The following RBFOX1 variants were observed in gnomAD, a reference collection of about 807,000 sequenced individuals.
RBFOX1 encodes the protein RNA binding protein fox-1 homolog 1.
In RBFOX1, 8 loss-of-function variants were observed where a neutral mutation model predicts 57.7. The ratio of observed to expected loss-of-function variants is 0.14; its 90% CI spans 0.08 to 0.25. The LOEUF (loss-of-function observed/expected upper bound fraction) is 0.25, where lower values mean the gene tolerates loss of function less well. RBFOX1 is among the 10% of genes least tolerant of loss of function. The probability of loss-of-function intolerance (pLI) is 1.00; values close to 1 mark genes in which losing one functional copy is unlikely to be tolerated. For synonymous variants in RBFOX1, 326 were observed against 222.4 expected, an observed-to-expected ratio of 1.47 and a Z score of -4.15; for missense variants, 611 against 548.5, an observed-to-expected ratio of 1.11 and a Z score of -1.14.
chr16:7,625,910 A>G (rs558305041), intron 10 of RBFOX1, among the ~76,000 whole-genome samples: 43 of 152,280 alleles, frequency 2.8e-4, no homozygotes, highest in African/African-American at 9.6e-4. Flanking sequence ...ACTCATGAGG[A>G]TAGGAAGATA....
At chr16:6,606,722 G>C (rs1232388587) in intron 2 of RBFOX1, among the ~76,000 whole-genome samples, 2 of 152,150 alleles carry the variant, frequency 1.3e-5, no homozygotes, top group Non-Finnish European at 2.9e-5. Context: ...ATTCCATGTT[G>C]CATATGTACC....
intron 4 of RBFOX1, among the ~76,000 whole-genome samples, chr16:7,327,357 T>A (rs2143819647): frequency 6.6e-6 from 1 of 152,272 alleles, no homozygotes; most frequent in East Asian, 1.9e-4. Flanking sequence ...GGAGGATGAA[T>A]TTGGACAGGG....
intron 3 of RBFOX1, among the ~76,000 whole-genome samples, chr16:6,979,386 C>G (rs201551917): frequency 1.8e-5 from 1 of 54,444 alleles, no homozygotes; most frequent in Admixed American, 1.3e-4. Flanking sequence ...TGAGCACTTT[C>G]CATTGTGCGA....
chr16:7,281,338 G>T (rs971457644), intron 4 of RBFOX1, among the ~76,000 whole-genome samples: 2 of 151,590 alleles, frequency 1.3e-5, no homozygotes, highest in Admixed American at 1.3e-4. Flanking sequence ...TCTGCTTGGG[G>T]GGTAGTTTAG....
chr16:5,705,868 T>C (rs2051227722), intron 3 of RBFOX1, among the ~76,000 whole-genome samples: 1 of 152,218 alleles, frequency 6.6e-6, no homozygotes, highest in African/African-American at 2.4e-5. Flanking sequence ...AATAGGTGCC[T>C]GATAGATGTT....
chr16:6,790,554 C>G (rs977754765), intron 3 of RBFOX1, among the ~76,000 whole-genome samples: 6 of 152,138 alleles, frequency 3.9e-5, no homozygotes, highest in Admixed American at 3.3e-4. Flanking sequence ...CCTATTTAGC[C>G]TCTATTCCCC....
rs909705120 is a variant in RBFOX1, at chr16:6,097,422, G to A, written c.-127+77430G>A. Among the ~76,000 whole-genome samples the A allele has an allele frequency of 3.3e-5, 5 of 152,098 alleles. No individual in the cohort carries two copies. Among genetic ancestry groups the A allele is most frequent in the Non-Finnish European group, 5.9e-5 (4 of 68,024 alleles). The stretch of plus-strand genomic sequence containing the variant: ...GTCTGCAGACTACCAGCATTAGCAA[G>A]GCCTGGGAGTTTGTGAGAGATGCAG... On this transcript the variant is annotated intron_variant, in intron 1 of 15. Transcript: ENST00000550418. The surrounding 1 kb of genome is among the most constrained non-coding windows in gnomAD (Gnocchi z 5.0).
At chr16:7,686,977 CTTCT>C (rs768656906) in intron 14 of RBFOX1, among the ~76,000 whole-genome samples, 5 of 152,174 alleles carry the variant, frequency 3.3e-5, no homozygotes, top group South Asian at 2.1e-4. Flanking sequence ...CAGACCTTAT[CTTCT>C]TTCTGTTTAA....
chr16:5,731,522 C>G (rs1021132075), intron 3 of RBFOX1, among the ~76,000 whole-genome samples: 1 of 152,114 alleles, frequency 6.6e-6, no homozygotes, highest in Non-Finnish European at 1.5e-5. Context: ...GTGATTTGAA[C>G]CTCAGTTGTC....
rs1287013717 is a variant in RBFOX1 at position 6,623,441 on chromosome 16, TTC to T, written c.-63-31160_-63-31159del. Among the ~76,000 whole-genome samples the T allele has an allele frequency of 7.9e-4, 27 of 34,222 alleles. No homozygotes were observed. In the East Asian group the frequency reaches 0.11, roughly 141 times the overall value. 22.5% of individuals were successfully genotyped at this position (34,222 alleles called of 152,430 possible). A position where few individuals can be genotyped will look rare whatever the true frequency, so the allele number is the denominator to read the frequency against. On this transcript the variant is annotated intron_variant, in intron 2 of 15. Coordinates refer to ENST00000550418, the MANE Select transcript of RBFOX1 (RefSeq NM_018723.4). ...CATGCTGCATATTGTTAGGTGAAAA[TTC>T]TTTTTTTTTTTTTATTATACTTTAA... is the stretch of plus-strand genomic sequence containing the variant.
chr16:5,298,929 T>C (rs2063741169), intron 1 of RBFOX1, among the ~76,000 whole-genome samples: 2 of 115,336 alleles, frequency 1.7e-5, no homozygotes, highest in South Asian at 3.5e-4. Flanking sequence ...TTGTGTGTTC[T>C]ATGTGATTTA....
chr16:6,256,275 A>G (rs1184294755), intron 1 of RBFOX1, among the ~76,000 whole-genome samples: 3 of 126,712 alleles, frequency 2.4e-5, no homozygotes, highest in Non-Finnish European at 3.1e-5. Flanking sequence ...ATATATGTAT[A>G]TATATATGTG....
intron 3 of RBFOX1, among the ~76,000 whole-genome samples, chr16:7,033,804 C>G (rs2043465117): frequency 1.3e-5 from 2 of 152,122 alleles, no homozygotes; most frequent in African/African-American, 2.4e-5. Flanking sequence ...CTCATCTCTA[C>G]TAAAAATAAA....
intron 2 of RBFOX1, among the ~76,000 whole-genome samples, chr16:6,450,315 C>G (rs2094563918): frequency 6.6e-6 from 1 of 152,150 alleles, no homozygotes; most frequent in Non-Finnish European, 1.5e-5. Flanking sequence ...GGGTTAGTCA[C>G]TTACCTGCAC....
At chr16:7,190,350 G>A (rs771191797) in intron 4 of RBFOX1, among the ~76,000 whole-genome samples, 9 of 152,144 alleles carry the variant, frequency 5.9e-5, no homozygotes, top group South Asian at 2.1e-4. Context: ...CAGAGACTCC[G>A]CCTCAAACAT....
chr16:7,369,626 A>G lies in RBFOX1; in HGVS notation c.28-148521A>G, dbSNP rs566840705. Among the ~76,000 whole-genome samples, 157 of 152,288 alleles carry G rather than the reference A, an allele frequency of 1.0e-3. 1 individual carries two copies. The highest frequency in any genetic ancestry group is 0.01 in the Middle Eastern group (3 of 294). ...ATCTCAATACTTTTGTCTGGAGTCA[A>G]TTGGATTCTAACTGTAACAATTGTT... On this transcript the variant is annotated intron_variant, in intron 4 of 15. Coordinates refer to ENST00000550418, the MANE Select transcript of RBFOX1 (RefSeq NM_018723.4).
intron 6 of RBFOX1, 73 bp from the exon 7 acceptor site, chr16:7,587,173 AC>A: frequency 7.5e-7 from 1 of 1,330,544 alleles, no homozygotes; most frequent in Non-Finnish European, 9.7e-7. Flanking sequence ...GACGTGGGAA[AC>A]AATTACTACT....
intron 2 of RBFOX1, among the ~76,000 whole-genome samples, chr16:6,396,061 T>TG: frequency 8.9e-6 from 1 of 112,944 alleles, no homozygotes. Flanking sequence ...GCAAGACTCC[T>TG]TCTCAAAAAA....
chr16:5,417,354 T>G (rs1012433221), intron 1 of RBFOX1, among the ~76,000 whole-genome samples: 4 of 152,216 alleles, frequency 2.6e-5, no homozygotes, highest in Admixed American at 1.3e-4. Context: ...ACATTTTAGG[T>G]AATTCAGTAA....
Sources: allele counts gnomAD v4.1 joint callset (sites outside exome capture counted in the v4.1 genomes callset), GRCh38; gene constraint gnomAD v4.1.1; non-coding constraint Gnocchi (gnomAD v3.1); transcripts MANE v1.5; gene names NCBI Gene and HGNC (gene_info 2026-07-23, HGNC 2026-07-21).